Variants in NOX4 observed in about 807,000 individuals in gnomAD.
The protein encoded by NOX4 is kidney oxidase-1.
NOX4 carries 69 observed loss-of-function variants against 87.6 expected under a neutral mutation model. The ratio of observed to expected loss-of-function variants is 0.79; its 90% confidence interval spans 0.65 to 0.96. The LOEUF (loss-of-function observed/expected upper bound fraction) is 0.96, where lower values mean the gene tolerates loss of function less well. Ranked by LOEUF, NOX4 falls within the 40% of genes least tolerant of loss-of-function variation. The pLI, the probability that NOX4 is intolerant of heterozygous loss-of-function variation, is 0.00. For synonymous variants in NOX4, 275 were observed against 238.2 expected (o/e 1.15, Z -1.42); for missense variants, 680 against 681.5 (o/e 1.00, Z 0.02).
the NOX4 span, among the ~76,000 whole-genome samples, chr11:89,541,968 G>A: frequency 1.5e-5 from 2 of 137,748 alleles, no homozygotes; most frequent in African/African-American, 2.9e-5. Context: ...ACCATACCCA[G>A]CTAATTTTTG....
chr11:89,445,912 A>C (rs1944681223), intron 4 of NOX4, among the ~76,000 whole-genome samples: 1 of 152,134 alleles, frequency 6.6e-6, no homozygotes, highest in East Asian at 1.9e-4. Context: ...AGACGTTTTG[A>C]ACACCATGAG....
intron 12 of NOX4, 133 bp downstream of exon 12, chr11:89,373,294 AAAAAC>A (rs1939591006): frequency 7.7e-5 from 38 of 494,710 alleles, no homozygotes; most frequent in South Asian, 1.8e-4. Context: ...AAAAAAAAAA[AAAAAC>A]AAAAAAAAAC....
exon 1 of NOX4, chr11:89,498,063 C>T (rs1482613832): frequency 2.0e-5 from 3 of 152,148 alleles, no homozygotes; most frequent in East Asian, 3.9e-4. Flanking sequence ...CCCATGTAGA[C>T]TCTTCCCAGC....
At chr11:89,478,530 A>T (rs1322700544) in intron 2 of NOX4, among the ~76,000 whole-genome samples, 1 of 152,226 alleles carries the variant, frequency 6.6e-6, no homozygotes, top group Non-Finnish European at 1.5e-5. Flanking sequence ...GCTGATAGAC[A>T]CTATGTGCTC....
chr11:89,383,611 C>T (rs1222602619), intron 11 of NOX4, among the ~76,000 whole-genome samples: 1 of 152,186 alleles, frequency 6.6e-6, no homozygotes, highest in East Asian at 1.9e-4. Flanking sequence ...CCCTTGCCTC[C>T]ATAACTGTTG....
rs1440760703 is a variant in NOX4, at chr11:89,432,824, C to T, written c.508G>A (p.Val170Met). 2 of 1,611,134 alleles carry T rather than the reference C, an allele frequency of 1.2e-6. No homozygotes were observed. Among genetic ancestry groups the T allele is most frequent in the African/African-American group, 2.7e-5 (2 of 74,792 alleles). Residue 170 changes from valine to methionine, a missense_variant, in exon 7 of 18, where the codon GTG becomes ATG. Transcript: ENST00000263317. ...GAGGCTGTGATCATGAGGAATAGCA[C>T]CACCACCATGCAGACCCCTGTCAGG... ...PGLTGVCMVV[V>M]LFLMITASTY...
chr11:89,472,337 T>C (rs1374049901), intron 2 of NOX4, among the ~76,000 whole-genome samples: 1 of 152,146 alleles, frequency 6.6e-6, no homozygotes, highest in Non-Finnish European at 1.5e-5. Context: ...TGACTCAAGT[T>C]GACCTATCTT....
At chr11:89,549,220 G>A in the NOX4 span, among the ~76,000 whole-genome samples, 3 of 152,098 alleles carry the variant, frequency 2.0e-5, no homozygotes, top group Non-Finnish European at 4.4e-5. Context: ...ATGTCACTGT[G>A]TGTTATTACT....
In NOX4 at chr11:89,368,072, G is replaced by A. The variant is rs370317394; in HGVS notation, c.1135+5360C>T. ...TCTCTCCAGCAATATAAAACTTCCTGTCTCCACTTCATTCTCATCATTCAA... is the reference window on the plus strand; with the variant it reads ...TCTCTCCAGCAATATAAAACTTCCTATCTCCACTTCATTCTCATCATTCAA... On this transcript the variant is annotated intron_variant, in intron 12 of 17. Transcript: ENST00000263317. 7.2e-3 allele frequency among the ~76,000 whole-genome samples: 1,089 copies of A among 151,928 alleles called. 11 individuals are homozygous for A. The highest frequency in any genetic ancestry group is 0.024 in the African/African-American group (1,016 of 41,474).
intron 12 of NOX4, among the ~76,000 whole-genome samples, chr11:89,356,967 A>G (rs1938113881): frequency 6.6e-6 from 1 of 152,176 alleles, no homozygotes; most frequent in South Asian, 2.1e-4. Context: ...AGGCTTAGAT[A>G]GTATGCAAAG....
intron 11 of NOX4, among the ~76,000 whole-genome samples, chr11:89,399,157 T>G (rs1255509911): frequency 6.6e-6 from 1 of 151,684 alleles, no homozygotes; most frequent in Non-Finnish European, 1.5e-5. Flanking sequence ...GCTGACTAGC[T>G]AATCATATTT....
the NOX4 span, among the ~76,000 whole-genome samples, chr11:89,538,317 C>T: frequency 3.1e-3 from 478 of 152,236 alleles, 4 homozygotes; most frequent in East Asian, 0.042. Context: ...AGCTATTGTT[C>T]GTGTCCTGAA....
upstream of NOX4, among the ~76,000 whole-genome samples, chr11:89,492,729 G>T (rs1028817859): frequency 6.6e-6 from 1 of 152,126 alleles, no homozygotes; most frequent in Admixed American, 6.5e-5. Flanking sequence ...ATCAGGGAAA[G>T]AGCACACGAA....
intron 7 of NOX4, among the ~76,000 whole-genome samples, chr11:89,422,343 C>T (rs1265198670): frequency 6.6e-6 from 1 of 152,046 alleles, no homozygotes; most frequent in East Asian, 1.9e-4. Flanking sequence ...CAAATAATTT[C>T]CAAAACAACC....
At chr11:89,437,701 A>G (rs1427282956) in intron 6 of NOX4, among the ~76,000 whole-genome samples, 1 of 152,108 alleles carries the variant, frequency 6.6e-6, no homozygotes, top group African/African-American at 2.4e-5. Flanking sequence ...GCCCTTCCCA[A>G]CCCAAGAGAA....
chr11:89,422,027 T>C (rs1473141394), intron 7 of NOX4, 45 bp from the exon 8 acceptor site: 1 of 1,042,796 alleles, frequency 9.6e-7, no homozygotes, highest in Admixed American at 2.6e-5. Flanking sequence ...TTACATTCCA[T>C]CTTACTAAAA....
chr11:89,525,995 A>G, the NOX4 span, among the ~76,000 whole-genome samples: 5 of 152,108 alleles, frequency 3.3e-5, no homozygotes, highest in Non-Finnish European at 7.4e-5. Flanking sequence ...TTACATTTAT[A>G]CCTTTTTCCA....
intron 17 of NOX4, among the ~76,000 whole-genome samples, chr11:89,333,499 C>G (rs1422589186): frequency 1.3e-5 from 2 of 151,698 alleles, no homozygotes; most frequent in Non-Finnish European, 3.0e-5. Flanking sequence ...GTCATTACCT[C>G]TGGGCCAGAA....
the NOX4 span, among the ~76,000 whole-genome samples, chr11:89,530,732 G>T: frequency 6.6e-6 from 1 of 151,926 alleles, no homozygotes; most frequent in Non-Finnish European, 1.5e-5. Flanking sequence ...CTCCTTCCTG[G>T]CCAGAGTTAA....
Sources: gnomAD v4.1 joint callset for allele counts (sites outside exome capture counted in the v4.1 genomes callset) on GRCh38, gnomAD v4.1.1 for gene constraint, MANE v1.5 for transcripts, NCBI Gene and HGNC (gene_info 2026-07-23, HGNC 2026-07-21) for gene names.